Variants in IFIT5 observed in about 807,000 individuals in gnomAD.
The protein encoded by IFIT5 is interferon-induced protein with tetratricopeptide repeats 5.
A neutral mutation model predicts 5.0 loss-of-function variants in IFIT5; 2 were observed. That is an observed-to-expected ratio of 0.40 (90% CI 0.16 to 1.26). IFIT5 has a LOEUF of 1.26. IFIT5 is among the 50% of genes most tolerant of loss of function. The pLI, the probability that IFIT5 is intolerant of heterozygous loss-of-function variation, is 0.33. For synonymous variants in IFIT5, 206 were observed against 204.6 expected (o/e 1.01, Z -0.06); for missense variants, 524 against 563.2 (o/e 0.93, Z 0.70).
intron 1 of IFIT5, 113 bp downstream of exon 1, chr10:89,414,916 C>T: frequency 7.2e-7 from 1 of 1,381,898 alleles, no homozygotes. Flanking sequence ...GGGCCGAGCC[C>T]CTCGCGCCCA....
rs575882515 is a variant in IFIT5, at chr10:89,417,240, T to C, written c.41T>C (p.Leu14Ser). 8 of 1,607,412 alleles carry C rather than the reference T, an allele frequency of 5.0e-6. No homozygotes were observed. The highest frequency in any genetic ancestry group is 6.8e-6 in the Non-Finnish European group (8 of 1,174,788). ...IRKDTLKAIL[L>S]ELECHFTWNL... Reference sequence around the variant, plus strand: ...AAGGACACCTTGAAGGCCATTCTGTTGGAGTTAGAATGTCATTTTACATGG... The same window carrying C: ...AAGGACACCTTGAAGGCCATTCTGTCGGAGTTAGAATGTCATTTTACATGG... Residue 14 changes from leucine to serine, a missense_variant, in exon 2 of 2, where the codon TTG becomes TCG. Transcript: ENST00000371795.
chr10:89,414,703 G>GCACGCC lies in IFIT5; in HGVS notation c.-92_-87dup, dbSNP rs1564816289. The GCACGCC allele has an allele frequency of 4.8e-6, 7 of 1,472,960 alleles. No individual in the cohort carries two copies. The highest frequency in any genetic ancestry group is 4.5e-6 in the Non-Finnish European group (5 of 1,109,682). The allele number at this position is 1,472,960 out of a possible 1,614,324, so 91.2% of individuals were successfully genotyped here. A position where few individuals can be genotyped will look rare whatever the true frequency, so the allele number is the denominator to read the frequency against. Reference sequence around the variant, plus strand: ...AGGCCTGGCGCGCGCACGCGCACGCGCACGCCCACCGCGCGGCTTCCCGCG... The same window carrying GCACGCC: ...AGGCCTGGCGCGCGCACGCGCACGCGCACGCCCACGCCCACCGCGCGGCTTCCCGCG... On this transcript the variant is annotated 5_prime_UTR_variant, in exon 1 of 2. Transcript: ENST00000371795.
rs558900926 is a variant in IFIT5, at chr10:89,417,989, T to G, written c.790T>G (p.Ser264Ala). The change falls in exon 2 of 2, where the codon TCC (serine) becomes GCC (alanine). Residue 264 changes from serine to alanine, a missense_variant. By Grantham distance (99) the Ser-to-Ala change is moderately conservative. Coordinates refer to ENST00000371795, the MANE Select transcript of IFIT5 (RefSeq NM_012420.3). ...AGCCAAGTTCTATAGGAGAAAAAAT[T>G]CCTGGAACAAAGCTCTCGAACTTTT... ...YAAKFYRRKN[S>A]WNKALELLKK... 873 of 1,614,184 alleles carry G rather than the reference T, an allele frequency of 5.4e-4. 12 individuals are homozygous for G. In the South Asian group the frequency reaches 9.2e-3, roughly 17 times the overall value.
intron 1 of IFIT5, among the ~76,000 whole-genome samples, chr10:89,416,481 T>C (rs304449): frequency 0.63 from 95,307 of 152,150 alleles, 32,359 homozygotes; most frequent in African/African-American, 0.89. Flanking sequence ...TCTCTCTTAT[T>C]AGCTTCCCAA....
Position 89,417,948 on chromosome 10 carries a change from A to G in IFIT5, c.749A>G (p.Tyr250Cys). Residue 250 changes from tyrosine to cysteine, a missense_variant, in exon 2 of 2, where the codon TAC (tyrosine) becomes TGC (cysteine). Coordinates refer to ENST00000371795, the MANE Select transcript of IFIT5 (RefSeq NM_012420.3). ...EILDQISSQPYVLRYAAKFYR... is the reference protein window; with the variant it reads ...EILDQISSQPCVLRYAAKFYR... Reference sequence around the variant, plus strand: ...CTGGACCAAATATCATCCCAGCCTTACGTCCTTCGTTATGCAGCCAAGTTC... The same window carrying G: ...CTGGACCAAATATCATCCCAGCCTTGCGTCCTTCGTTATGCAGCCAAGTTC... 1 of 1,614,210 alleles carries G rather than the reference A, an allele frequency of 6.2e-7. No individual in the cohort carries two copies.
Position 89,418,489 on chromosome 10 carries a change from C to G in IFIT5, c.1290C>G (p.His430Gln), listed in dbSNP as rs1231681050. 1.2e-6 allele frequency: 2 copies of G among 1,614,048 alleles called. No homozygotes were observed. Among genetic ancestry groups the G allele is most frequent in the East Asian group, 4.5e-5 (2 of 44,898 alleles). ...LKKLSTKRLC[H>Q]NALDVQSLSA... ...AATTGTCTACCAAGAGACTTTGTCA[C>G]AATGCTTTAGATGTGCAGAGTTTAA... Residue 430 changes from histidine (H) to glutamine (Q), a missense_variant, in exon 2 of 2, where the codon CAC becomes CAG. Coordinates refer to ENST00000371795, the MANE Select transcript of IFIT5 (RefSeq NM_012420.3).
In IFIT5 at chr10:89,419,195, C is replaced by A. The variant is rs529014033; in HGVS notation, c.*547C>A. On this transcript the variant is annotated 3_prime_UTR_variant, in exon 2 of 2. Transcript: ENST00000371795. ...AGTTTATAATAAAAAAGTTTGTCAT[C>A]TCTAGTGACTTCAATAAAGAAAAAA... 4 of 152,176 alleles carry A rather than the reference C, an allele frequency of 2.6e-5. No homozygotes were observed. The East Asian group carries it at 5.8e-4, about 22-fold the overall frequency. The allele number at this position is 152,176 out of a possible 1,614,324, so 9.4% of individuals were successfully genotyped here.
rs374468261 is a variant in IFIT5 at position 89,415,477 on chromosome 10, G to C, written c.5+674G>C. Among the ~76,000 whole-genome samples, 50 of 152,330 alleles carry C rather than the reference G, an allele frequency of 3.3e-4. 1 individual carries two copies. In the South Asian group the frequency reaches 0.01, roughly 32 times the overall value. Reference sequence around the variant, plus strand: ...TCTTCCCTTCCCAGGAGCTACCTCTGTACCAAGCACAGATTGTTATCGTCC... The same window carrying C: ...TCTTCCCTTCCCAGGAGCTACCTCTCTACCAAGCACAGATTGTTATCGTCC... On this transcript the variant is annotated intron_variant, in intron 1 of 1. Coordinates refer to ENST00000371795, the MANE Select transcript of IFIT5 (RefSeq NM_012420.3).
rs758474945 is a variant in IFIT5 at position 89,417,633 on chromosome 10, G to C, written c.434G>C (p.Gly145Ala). Residue 145 changes from glycine to alanine, a missense_variant, in exon 2 of 2, where the codon GGC (glycine) becomes GCC (alanine). Physicochemically the swap from Gly to Ala is moderately conservative, Grantham distance 60 (BLOSUM62 0). Coordinates refer to ENST00000371795, the MANE Select transcript of IFIT5 (RefSeq NM_012420.3). The part of the protein sequence containing the change: ...LECPETDCEK[G>A]WALLKFGGKY... ...TGTCCTGAGACTGACTGTGAGAAAGGCTGGGCACTCTTGAAATTTGGAGGA... is the reference window on the plus strand; with the variant it reads ...TGTCCTGAGACTGACTGTGAGAAAGCCTGGGCACTCTTGAAATTTGGAGGA... 1.2e-6 allele frequency: 2 copies of C among 1,614,194 alleles called. No individual in the cohort carries two copies. Among genetic ancestry groups the C allele is most frequent in the Non-Finnish European group, 1.7e-6 (2 of 1,180,024 alleles).
At position 89,418,182 on chromosome 10, in the gene IFIT5, A is replaced by G. The variant is rs1488942576; in HGVS notation, c.983A>G (p.Lys328Arg). The G allele has an allele frequency of 6.2e-7, 1 of 1,614,226 alleles. No homozygotes were observed. Among genetic ancestry groups the G allele is most frequent in the Admixed American group, 1.7e-5 (1 of 60,030 alleles). Reference protein sequence around the residue: ...ELISSAIFHFKAAMERDSMFA... With the variant: ...ELISSAIFHFRAAMERDSMFA... The stretch of plus-strand genomic sequence containing the variant: ...ATTTCATCTGCTATATTTCATTTCA[A>G]AGCAGCCATGGAACGAGACTCTATG... Residue 328 changes from lysine to arginine, a missense_variant, in exon 2 of 2, where the codon AAA (lysine) becomes AGA (arginine). By Grantham distance (26) the Lys-to-Arg change is conservative (BLOSUM62 2). Transcript: ENST00000371795.
At position 89,417,707 on chromosome 10, in the gene IFIT5, G is replaced by C; in HGVS notation, c.508G>C (p.Glu170Gln). ...GGCTTTTGAGAAGGCTCTGGAAGTG[G>C]AGCCTGACAATCCAGAATTTAACAT... is the stretch of plus-strand genomic sequence containing the variant. ...KAAFEKALEV[E>Q]PDNPEFNIGY... The change falls in exon 2 of 2, where the codon GAG becomes CAG. Residue 170 changes from glutamate to glutamine, a missense_variant. Coordinates refer to ENST00000371795, the MANE Select transcript of IFIT5 (RefSeq NM_012420.3). 6.2e-7 allele frequency: 1 copy of C among 1,614,210 alleles called. No homozygotes were observed. The highest frequency in any genetic ancestry group is 1.1e-5 in the South Asian group (1 of 91,086).
intron 1 of IFIT5, among the ~76,000 whole-genome samples, chr10:89,416,934 T>G (rs1286938575): frequency 6.6e-6 from 1 of 152,228 alleles, no homozygotes; most frequent in Non-Finnish European, 1.5e-5. Context: ...GGTTTAGTGA[T>G]TGCCAAAAGG....
chr10:89,417,213 G>C lies in IFIT5; in HGVS notation c.14G>C (p.Arg5Pro), dbSNP rs774614509. 1 of 1,570,644 alleles carries C rather than the reference G, an allele frequency of 6.4e-7. No individual in the cohort carries two copies. The highest frequency in any genetic ancestry group is 8.6e-7 in the Non-Finnish European group (1 of 1,157,238). Reference protein sequence around the residue: MSEIRKDTLKAILLE... With the variant: MSEIPKDTLKAILLE... ...TATTTTATCTTTGACAGTGAAATTC[G>C]TAAGGACACCTTGAAGGCCATTCTG... The change falls in exon 2 of 2, where the codon CGT (arginine) becomes CCT (proline). Residue 5 changes from arginine to proline, a missense_variant. Arg to Pro is a moderately radical substitution (Grantham distance 103). Coordinates refer to ENST00000371795, the MANE Select transcript of IFIT5 (RefSeq NM_012420.3).
chr10:89,420,313 A>C lies in IFIT5; in HGVS notation c.*1665A>C, dbSNP rs952554036. The stretch of plus-strand genomic sequence containing the variant: ...TGATCTTTACTCAAGAATTTCAGAA[A>C]GTCAGCACTGAAGTCCTGACCTATC... On this transcript the variant is annotated 3_prime_UTR_variant, in exon 2 of 2. Coordinates refer to ENST00000371795, the MANE Select transcript of IFIT5 (RefSeq NM_012420.3). 1.3e-4 allele frequency: 20 copies of C among 152,330 alleles called. No homozygotes were observed. Among genetic ancestry groups the C allele is most frequent in the African/African-American group, 4.3e-4 (18 of 41,566 alleles). 9.4% of individuals were successfully genotyped at this position (152,330 alleles called of 1,614,324 possible). A position where few individuals can be genotyped will look rare whatever the true frequency, so the allele number is the denominator to read the frequency against.
At position 89,417,272 on chromosome 10, in the gene IFIT5, C is replaced by G. The variant is rs59633641; in HGVS notation, c.73C>G (p.Leu25Val). 16,588 of 1,613,758 alleles carry G rather than the reference C, an allele frequency of 0.01. 261 individuals carry two copies. The highest frequency in any genetic ancestry group is 0.074 in the African/African-American group (5,574 of 75,026). ...ELECHFTWNLLKEDIDLFEVE... is the reference protein window; with the variant it reads ...ELECHFTWNLVKEDIDLFEVE... ...AGAATGTCATTTTACATGGAATTTA[C>G]TTAAGGAAGACATTGATCTGTTTGA... The change falls in exon 2 of 2, where the codon CTT becomes GTT. Residue 25 changes from leucine to valine, a missense_variant. Coordinates refer to ENST00000371795, the MANE Select transcript of IFIT5 (RefSeq NM_012420.3).
Position 89,417,804 on chromosome 10 carries a change from G to T in IFIT5, c.605G>T (p.Gly202Val), listed in dbSNP as rs778244463. 3.1e-6 allele frequency: 5 copies of T among 1,614,014 alleles called. No individual in the cohort carries two copies. In the African/African-American group the frequency reaches 4.0e-5, roughly 13 times the overall value. ...REGSVKSFSL[G>V]PLRKAVTLNP... ...GGGTCTGTAAAGAGCTTTTCTCTGG[G>T]GCCTTTGAGAAAGGCTGTTACCCTG... is the stretch of plus-strand genomic sequence containing the variant. The change falls in exon 2 of 2, where the codon GGG becomes GTG. Residue 202 changes from glycine (G) to valine (V), a missense_variant. Physicochemically the swap from Gly to Val is moderately radical, Grantham distance 109. Coordinates refer to ENST00000371795, the MANE Select transcript of IFIT5 (RefSeq NM_012420.3).
In IFIT5 at chr10:89,418,007, G is replaced by A. The variant is rs200178716; in HGVS notation, c.808G>A (p.Glu270Lys). The change falls in exon 2 of 2, where the codon GAA becomes AAA. Residue 270 changes from glutamate (E) to lysine (K), a missense_variant. Physicochemically the swap from Glu to Lys is moderately conservative, Grantham distance 56 (BLOSUM62 1). Transcript: ENST00000371795. ...AAAAAATTCCTGGAACAAAGCTCTCGAACTTTTAAAAAAGGCCTTGGAGGT... is the reference window on the plus strand; with the variant it reads ...AAAAAATTCCTGGAACAAAGCTCTCAAACTTTTAAAAAAGGCCTTGGAGGT... ...RRKNSWNKAL[E>K]LLKKALEVTP... The A allele has an allele frequency of 3.8e-5, 62 of 1,613,998 alleles. No individual in the cohort carries two copies. Among genetic ancestry groups the A allele is most frequent in the African/African-American group, 1.9e-4 (14 of 74,902 alleles).
At position 89,417,827 on chromosome 10, in the gene IFIT5, C is replaced by A; in HGVS notation, c.628C>A (p.Leu210Met). ...GGGGCCTTTGAGAAAGGCTGTTACC[C>A]TGAACCCAGATAACAGCTATATTAA... Reference protein sequence around the residue: ...SLGPLRKAVTLNPDNSYIKVF... With the variant: ...SLGPLRKAVTMNPDNSYIKVF... Residue 210 changes from leucine (L) to methionine (M), a missense_variant, in exon 2 of 2, where the codon CTG becomes ATG. By Grantham distance (15) the Leu-to-Met change is conservative. Coordinates refer to ENST00000371795, the MANE Select transcript of IFIT5 (RefSeq NM_012420.3). The A allele has an allele frequency of 6.2e-7, 1 of 1,614,174 alleles. No homozygotes were observed.
At position 89,414,598 on chromosome 10, in the gene IFIT5, C is replaced by G; in HGVS notation, c.-201C>G. On this transcript the variant is annotated 5_prime_UTR_variant, in exon 1 of 2. The change creates a new upstream start codon in the 5' untranslated region. Transcript: ENST00000371795. ...CTGAGCGCTCGGCATCTGATTCAAT[C>G]TCCAGTTTCCTGTTCTTGCTGGGGC... The G allele has an allele frequency of 2.1e-6, 1 of 487,680 alleles. No homozygotes were observed. 30.2% of individuals were successfully genotyped at this position (487,680 alleles called of 1,614,324 possible).
Sources: allele counts gnomAD v4.1 joint callset (sites outside exome capture counted in the v4.1 genomes callset), GRCh38; gene constraint gnomAD v4.1.1; transcripts MANE v1.5; gene names NCBI Gene and HGNC (gene_info 2026-07-23, HGNC 2026-07-21).